TRIM54: variants seen among roughly 807,000 people sequenced by gnomAD.
TRIM54 encodes the protein tripartite motif-containing protein 54.
TRIM54 carries 40 observed loss-of-function variants against 42.0 expected under a neutral mutation model. The ratio of observed to expected loss-of-function variants is 0.95; its 90% CI spans 0.74 to 1.24. The LOEUF (loss-of-function observed/expected upper bound fraction) is 1.24, where lower values mean the gene tolerates loss of function less well. TRIM54 is among the 50% of genes most tolerant of loss of function. The probability of loss-of-function intolerance (pLI) is 0.00; values close to 1 mark genes in which losing one functional copy is unlikely to be tolerated. For missense variants in TRIM54, 485 were observed against 480.3 expected, an observed-to-expected ratio of 1.01 and a Z score of -0.09; for synonymous variants, 199 against 194.9, an observed-to-expected ratio of 1.02 and a Z score of -0.17.
intron 3 of TRIM54, chr2:27,299,675 C>CCTATCTATCTATCTAT (rs112702645): frequency 3.1e-4 from 182 of 579,710 alleles, no homozygotes; most frequent in African/African-American, 5.0e-4. Flanking sequence ...CGCACTCAGC[C>CCTATCTATCTATCTAT]CTATCTATCT....
chr2:27,292,307 A>G (rs1399661184), intron 1 of TRIM54, among the ~76,000 whole-genome samples: 1 of 152,130 alleles, frequency 6.6e-6, no homozygotes, highest in Admixed American at 6.6e-5. Context: ...ATGGGGTCTC[A>G]CCCCTGAAAT....
intron 1 of TRIM54, among the ~76,000 whole-genome samples, chr2:27,288,404 A>G (rs1288984164): frequency 2.6e-5 from 4 of 152,256 alleles, no homozygotes; most frequent in Admixed American, 1.3e-4. Context: ...GAACATTTCT[A>G]TTAGATGCTA....
intron 1 of TRIM54, among the ~76,000 whole-genome samples, chr2:27,290,914 T>C (rs1678702045): frequency 6.6e-6 from 1 of 152,188 alleles, no homozygotes; most frequent in Admixed American, 6.5e-5. Flanking sequence ...CACTCAACAT[T>C]TGCAAAAGGT....
At chr2:27,304,918 G>A in intron 3 of TRIM54, 41 bp from the exon 4 acceptor site, 1 of 1,587,806 alleles carries the variant, frequency 6.3e-7, no homozygotes, top group South Asian at 1.1e-5. Flanking sequence ...GTAGCTCTAG[G>A]CCAGGTCCCA....
intron 3 of TRIM54, chr2:27,304,714 T>C (rs2148204903): frequency 4.6e-6 from 2 of 430,144 alleles, no homozygotes; most frequent in East Asian, 6.6e-5. Context: ...TGGTATCTGG[T>C]GGATGTTTGG....
At chr2:27,294,889 C>CAA (rs57097129) in intron 1 of TRIM54, among the ~76,000 whole-genome samples, 5 of 52,790 alleles carry the variant, frequency 9.5e-5, no homozygotes, top group East Asian at 4.7e-4. Context: ...GACTCCATCT[C>CAA]AAAAAAAAAA....
At chr2:27,287,529 T>A (rs1005398270) in intron 1 of TRIM54, among the ~76,000 whole-genome samples, 2 of 150,826 alleles carry the variant, frequency 1.3e-5, no homozygotes, top group African/African-American at 4.9e-5. Context: ...TTAAACTGAT[T>A]TTTTTTTTCC....
At chr2:27,305,523 T>C in intron 4 of TRIM54, 61 bp from the exon 5 acceptor site, 1 of 1,434,752 alleles carries the variant, frequency 7.0e-7, no homozygotes, top group Non-Finnish European at 9.6e-7. Flanking sequence ...GAGTACCCTG[T>C]GCTTTCCCAG....
At chr2:27,283,195 G>A (rs1286511579) in intron 1 of TRIM54, among the ~76,000 whole-genome samples, 4 of 152,168 alleles carry the variant, frequency 2.6e-5, no homozygotes, top group Non-Finnish European at 1.5e-5. Context: ...ATCCCACACC[G>A]GGCTTTATAA....
intron 5 of TRIM54, 126 bp downstream of exon 5, chr2:27,305,943 CCT>C (rs921551845): frequency 5.0e-6 from 7 of 1,387,652 alleles, no homozygotes; most frequent in African/African-American, 2.9e-5. Context: ...CAAGTCACCC[CCT>C]CTGAGTTCGT....
chr2:27,292,413 T>C (rs1026574466), intron 1 of TRIM54, among the ~76,000 whole-genome samples: 8 of 152,098 alleles, frequency 5.3e-5, no homozygotes, highest in African/African-American at 1.7e-4. Flanking sequence ...CTGCAGAAAC[T>C]TTTTTTAAAA....
chr2:27,290,842 T>C (rs1332323868), intron 1 of TRIM54, among the ~76,000 whole-genome samples: 5 of 152,176 alleles, frequency 3.3e-5, no homozygotes, highest in African/African-American at 1.2e-4. Flanking sequence ...ACCAGAGATG[T>C]TACCTATAAG....
intron 1 of TRIM54, among the ~76,000 whole-genome samples, chr2:27,283,782 G>GCACACAAA (rs1294495519): frequency 1.2e-5 from 1 of 86,322 alleles, no homozygotes; most frequent in African/African-American, 4.9e-5. Context: ...ACACACACGC[G>GCACACAAA]CGCACACACA....
At chr2:27,290,700 T>A (rs1432156802) in intron 1 of TRIM54, among the ~76,000 whole-genome samples, 1 of 152,210 alleles carries the variant, frequency 6.6e-6, no homozygotes, top group Non-Finnish European at 1.5e-5. Context: ...TTTTTGAAAT[T>A]TTAGCAACAA....
At chr2:27,292,907 G>A (rs1463034352) in intron 1 of TRIM54, among the ~76,000 whole-genome samples, 2 of 152,184 alleles carry the variant, frequency 1.3e-5, no homozygotes, top group Non-Finnish European at 2.9e-5. Flanking sequence ...TGCAATCTAT[G>A]TGACTTTTAT....
At chr2:27,304,845 C>T in intron 3 of TRIM54, 114 bp from the exon 4 acceptor site, 1 of 779,618 alleles carries the variant, frequency 1.3e-6, no homozygotes, top group Non-Finnish European at 2.1e-6. Context: ...TGTAGATGCC[C>T]TTATGGGGGG....
rs1207519654 is a variant in TRIM54 at position 27,306,323 on chromosome 2, T to C, written c.977T>C (p.Ile326Thr). 25 of 1,613,936 alleles carry C rather than the reference T, an allele frequency of 1.5e-5. No individual in the cohort carries two copies. The highest frequency in any genetic ancestry group is 2.7e-5 in the African/African-American group (2 of 74,908). Residue 326 changes from isoleucine to threonine, a missense_variant, in exon 7 of 9, where the codon ATC becomes ACC. Transcript: ENST00000380075. The surrounding 1 kb of genome is among the most constrained non-coding windows in gnomAD (Gnocchi z 6.1). ...VEHVAEMLRTIDFQPGASGEE... is the reference protein window; with the variant it reads ...VEHVAEMLRTTDFQPGASGEE... The stretch of plus-strand genomic sequence containing the variant: ...CACGTGGCCGAAATGCTGCGGACCA[T>C]CGACTTCCAGCCAGGTGAAGGAGGT...
chr2:27,299,524 A>C, intron 3 of TRIM54, 108 bp downstream of exon 3: 1 of 1,537,424 alleles, frequency 6.5e-7, no homozygotes, highest in Non-Finnish European at 8.7e-7. Flanking sequence ...TTCTTTATTT[A>C]TTTAGAAACA....
intron 1 of TRIM54, among the ~76,000 whole-genome samples, chr2:27,297,069 T>C (rs904377779): frequency 1.3e-5 from 2 of 152,126 alleles, no homozygotes; most frequent in South Asian, 2.1e-4. Flanking sequence ...CTTTATACCA[T>C]GTGTCTTGTT....
Sources: allele counts gnomAD v4.1 joint callset (sites outside exome capture counted in the v4.1 genomes callset), GRCh38; gene constraint gnomAD v4.1.1; non-coding constraint Gnocchi (gnomAD v3.1); transcripts MANE v1.5; gene names NCBI Gene and HGNC (gene_info 2026-07-23, HGNC 2026-07-21).